PLPP4: variants seen among roughly 807,000 people sequenced by gnomAD.
The protein encoded by PLPP4 is phospholipid phosphatase 4.
PLPP4 carries 20 observed loss-of-function variants against 32.2 expected under a neutral mutation model. The observed-to-expected ratio is 0.62, with a 90% confidence interval of 0.44 to 0.90. The LOEUF (loss-of-function observed/expected upper bound fraction) is 0.90, where lower values mean the gene tolerates loss of function less well. Among genes scored for constraint, PLPP4 ranks in the 40% least tolerant of loss-of-function variants. The pLI is 0.00. For missense variants in PLPP4, 257 were observed against 353.1 expected (o/e 0.73, Z 2.18); for synonymous variants, 127 against 133.0 (o/e 0.95, Z 0.31).
At chr10:120,462,107 C>T (rs770928275) in intron 1 of PLPP4, among the ~76,000 whole-genome samples, 20 of 152,080 alleles carry the variant, frequency 1.3e-4, no homozygotes, top group African/African-American at 2.7e-4. Flanking sequence ...GGCTGAGCAC[C>T]GAATGCCAGG....
At chr10:120,502,971 C>G (rs898887767) in intron 1 of PLPP4, among the ~76,000 whole-genome samples, 1 of 152,182 alleles carries the variant, frequency 6.6e-6, no homozygotes, top group South Asian at 2.1e-4. Context: ...TTCAGCCACT[C>G]CTGCCCACAG....
At chr10:120,461,957 A>G (rs555794466) in intron 1 of PLPP4, among the ~76,000 whole-genome samples, 6 of 152,302 alleles carry the variant, frequency 3.9e-5, no homozygotes, top group Admixed American at 3.3e-4. Flanking sequence ...TGTCAGGTAG[A>G]TTTTTGAAAT....
intron 1 of PLPP4, among the ~76,000 whole-genome samples, chr10:120,480,558 A>C (rs1257253969): frequency 6.6e-6 from 1 of 152,252 alleles, no homozygotes; most frequent in Non-Finnish European, 1.5e-5. Context: ...GGTAAATCCT[A>C]ACAGGATTAC....
rs143244510 is a variant in PLPP4, at chr10:120,488,036, G to A, written c.57-15782G>A. The stretch of plus-strand genomic sequence containing the variant: ...GGCTCCAGAAGTCAGGGGCTCTCTG[G>A]GAGCAGATGTGGTCCCCACTGGAGA... On this transcript the variant is annotated intron_variant, in intron 1 of 6. Coordinates refer to ENST00000398250, the MANE Select transcript of PLPP4 (RefSeq NM_001030059.3). 5.4e-3 allele frequency among the ~76,000 whole-genome samples: 824 copies of A among 152,250 alleles called. 8 individuals are homozygous for A. Among genetic ancestry groups the A allele is most frequent in the African/African-American group, 0.019 (786 of 41,518 alleles).
rs190341854 is a variant in PLPP4 at position 120,590,831 on chromosome 10, G to A, written c.*1329G>A. Among the ~76,000 whole-genome samples, 3 of 150,080 alleles carry A rather than the reference G, an allele frequency of 2.0e-5. No individual in the cohort carries two copies. Among genetic ancestry groups the A allele is most frequent in the East Asian group, 2.0e-4 (1 of 5,036 alleles). On this transcript the variant is annotated 3_prime_UTR_variant, in exon 7 of 7. Transcript: ENST00000398250. ...CGAGACTGCACTGGAGTGCAGTGGC[G>A]TGATCTTGGCTCACTGCAACCTTTG...
At chr10:120,582,859 C>T (rs1005649005) in intron 6 of PLPP4, among the ~76,000 whole-genome samples, 3 of 143,228 alleles carry the variant, frequency 2.1e-5, no homozygotes, top group African/African-American at 5.2e-5. Context: ...GTGTACCCGG[C>T]GTGTTCTCCA....
At chr10:120,512,936 A>G (rs1044803555) in intron 2 of PLPP4, among the ~76,000 whole-genome samples, 4 of 152,318 alleles carry the variant, frequency 2.6e-5, no homozygotes, top group South Asian at 2.1e-4. Flanking sequence ...AGAATTATGA[A>G]CACTATTCGT....
intron 5 of PLPP4, among the ~76,000 whole-genome samples, chr10:120,552,018 G>GC (rs1564834955): frequency 1.3e-5 from 2 of 151,820 alleles, no homozygotes; most frequent in African/African-American, 2.4e-5. Context: ...TGTCTTATTT[G>GC]CCCCCCAGAA....
At chr10:120,537,840 C>T in intron 5 of PLPP4, among the ~76,000 whole-genome samples, 1 of 151,728 alleles carries the variant, frequency 6.6e-6, no homozygotes, top group Non-Finnish European at 1.5e-5. Context: ...CTCAATAAAG[C>T]TGAAAACAAT....
chr10:120,557,931 T>C (rs1275820539), intron 5 of PLPP4, among the ~76,000 whole-genome samples: 1 of 152,140 alleles, frequency 6.6e-6, no homozygotes, highest in Non-Finnish European at 1.5e-5. Context: ...ACCACAGTTG[T>C]TTAACAGGGA....
At chr10:120,572,263 A>G (rs2134044373) in intron 5 of PLPP4, among the ~76,000 whole-genome samples, 1 of 152,358 alleles carries the variant, frequency 6.6e-6, no homozygotes, top group East Asian at 1.9e-4. Flanking sequence ...CCTGAGACAG[A>G]GAAATCAGGC....
chr10:120,487,543 T>A (rs1000089551), intron 1 of PLPP4, among the ~76,000 whole-genome samples: 4 of 152,232 alleles, frequency 2.6e-5, no homozygotes, highest in African/African-American at 9.6e-5. Flanking sequence ...TACTATTAGC[T>A]TCCTTTTATC....
intron 6 of PLPP4, 152 bp downstream of exon 6, chr10:120,575,453 C>G (rs1849178238): frequency 1.2e-6 from 1 of 806,278 alleles, no homozygotes; most frequent in South Asian, 1.9e-5. Context: ...AATTTTGAAG[C>G]AAATATGCTG....
intron 5 of PLPP4, among the ~76,000 whole-genome samples, chr10:120,523,127 C>T (rs1846231946): frequency 6.6e-6 from 1 of 152,152 alleles, no homozygotes; most frequent in African/African-American, 2.4e-5. Flanking sequence ...GAAACCCCAC[C>T]TCTACTAAAA....
intron 5 of PLPP4, among the ~76,000 whole-genome samples, chr10:120,560,349 GAA>G (rs1848373317): frequency 7.6e-6 from 1 of 131,878 alleles, no homozygotes; most frequent in African/African-American, 2.8e-5. Flanking sequence ...AAAAAAGAAA[GAA>G]AAAAATCATT....
At chr10:120,523,106 G>A (rs950260864) in intron 5 of PLPP4, among the ~76,000 whole-genome samples, 10 of 152,072 alleles carry the variant, frequency 6.6e-5, no homozygotes, top group African/African-American at 2.2e-4. Flanking sequence ...GACCATCCTG[G>A]CCAACATGGT....
At chr10:120,552,213 T>G (rs1365199649) in intron 5 of PLPP4, among the ~76,000 whole-genome samples, 9 of 149,130 alleles carry the variant, frequency 6.0e-5, no homozygotes, top group African/African-American at 1.5e-4. Flanking sequence ...TGTGTGATGT[T>G]ATGTTTTGTG....
chr10:120,532,239 A>G (rs948162155), intron 5 of PLPP4, among the ~76,000 whole-genome samples: 1 of 152,054 alleles, frequency 6.6e-6, no homozygotes, highest in Non-Finnish European at 1.5e-5. Flanking sequence ...AAGGACATGA[A>G]CTCATCTTTT....
chr10:120,522,817 CTTGT>C (rs1232862687), intron 5 of PLPP4, among the ~76,000 whole-genome samples: 24 of 152,282 alleles, frequency 1.6e-4, no homozygotes, highest in African/African-American at 5.5e-4. Context: ...GATATGGTAA[CTTGT>C]TTGACTGTCG....
Sources: allele counts gnomAD v4.1 joint callset (sites outside exome capture counted in the v4.1 genomes callset), GRCh38; gene constraint gnomAD v4.1.1; transcripts MANE v1.5; gene names NCBI Gene and HGNC (gene_info 2026-07-23, HGNC 2026-07-21).